The following CWH43 variants were observed in gnomAD, a reference collection of about 807,000 sequenced individuals.
CWH43 encodes cell wall biogenesis 43 C-terminal homolog, also known as PGAP2-interacting protein.
CWH43 carries 91 observed loss-of-function variants against 85.7 expected under a neutral mutation model. The observed-to-expected ratio is 1.06, with a 90% CI of 0.90 to 1.26. The LOEUF (loss-of-function observed/expected upper bound fraction) is 1.26, where lower values mean the gene tolerates loss of function less well. Among genes scored for constraint, CWH43 ranks in the 50% most tolerant of loss-of-function variants. The pLI is 0.00. For synonymous variants in CWH43, 323 were observed against 293.6 expected (o/e 1.10, Z -1.02); for missense variants, 869 against 839.2 (o/e 1.04, Z -0.44).
chr4:49,055,356 C>A (rs1039687247), intron 15 of CWH43, among the ~76,000 whole-genome samples: 5 of 152,006 alleles, frequency 3.3e-5, no homozygotes, highest in African/African-American at 1.2e-4. Context: ...GGAAAAATCC[C>A]CCTTGATCAG....
At chr4:48,989,127 A>G (rs2109737468) in intron 2 of CWH43, among the ~76,000 whole-genome samples, 1 of 152,384 alleles carries the variant, frequency 6.6e-6, no homozygotes, top group African/African-American at 2.4e-5. Flanking sequence ...TCTTATATAT[A>G]GAGTTCCTAC....
intron 9 of CWH43, among the ~76,000 whole-genome samples, chr4:49,025,993 G>A (rs923117155): frequency 6.6e-6 from 1 of 152,066 alleles, no homozygotes; most frequent in African/African-American, 2.4e-5. Context: ...GTGTGTCTGA[G>A]CTCAGACTCT....
At chr4:49,030,781 T>G in intron 10 of CWH43, 44 bp from the exon 11 acceptor site, 1 of 1,494,894 alleles carries the variant, frequency 6.7e-7, no homozygotes, top group Non-Finnish European at 8.9e-7. Context: ...TTTTTTGCCT[T>G]GCTGTGATTC....
intron 9 of CWH43, among the ~76,000 whole-genome samples, chr4:49,025,149 A>AT (rs1156630484): frequency 6.6e-6 from 1 of 151,476 alleles, no homozygotes; most frequent in Non-Finnish European, 1.5e-5. Context: ...TATTGCTGAG[A>AT]TTTTCCAGTG....
chr4:49,002,817 C>T (rs547619649), intron 6 of CWH43, among the ~76,000 whole-genome samples: 88 of 152,226 alleles, frequency 5.8e-4, no homozygotes, highest in African/African-American at 2.0e-3. Context: ...TATTGATGAA[C>T]TTATTGAGCT....
intron 9 of CWH43, among the ~76,000 whole-genome samples, chr4:49,022,795 A>G (rs546076742): frequency 3.3e-5 from 5 of 152,224 alleles, no homozygotes; most frequent in Non-Finnish European, 5.9e-5. Flanking sequence ...TATTTCCAGA[A>G]ATTTATCCAT....
At chr4:48,986,873 G>A in intron 1 of CWH43, 3 of 946,890 alleles carry the variant, frequency 3.2e-6, no homozygotes, top group African/African-American at 1.8e-5. Flanking sequence ...AAGGAAAGGG[G>A]CACCCGTTTT....
At chr4:49,056,049 A>G (rs1270827659) in intron 15 of CWH43, among the ~76,000 whole-genome samples, 42 of 135,980 alleles carry the variant, frequency 3.1e-4, no homozygotes, top group African/African-American at 9.2e-4. Context: ...ATATCTCCCA[A>G]TGCTATCCCT....
At chr4:49,017,089 C>T in intron 8 of CWH43, 160 bp from the exon 9 acceptor site, 1 of 744,702 alleles carries the variant, frequency 1.3e-6, no homozygotes, top group Admixed American at 2.0e-5. Context: ...AATGAGCTCC[C>T]CAAGACTCTT....
In CWH43 at chr4:49,032,716, G is replaced by T. The variant is rs368997677; in HGVS notation, c.1658+1G>T. 3 of 1,613,956 alleles carry T rather than the reference G, an allele frequency of 1.9e-6. No individual in the cohort carries two copies. The highest frequency in any genetic ancestry group is 2.5e-6 in the Non-Finnish European group (3 of 1,179,842). The stretch of plus-strand genomic sequence containing the variant: ...TCGTGACACACTTTGGGAACCACGA[G>T]TGGGTTTCTTTGGCCCACCTAATAT... On this transcript the variant is annotated splice_donor_variant, in intron 12 of 15. Transcript: ENST00000226432. LOFTEE classifies it high-confidence loss of function.
rs750561336 is a variant in CWH43, at chr4:49,028,699, G to A, written c.1337G>A (p.Ser446Asn). 1 of 1,613,682 alleles carries A rather than the reference G, an allele frequency of 6.2e-7. No homozygotes were observed. Among genetic ancestry groups the A allele is most frequent in the Non-Finnish European group, 8.5e-7 (1 of 1,179,642 alleles). The change falls in exon 10 of 16, where the codon AGT becomes AAT. Residue 446 changes from serine (S) to asparagine (N), a missense_variant. Around this residue, in one of 3 missense-constraint regions of CWH43, gnomAD observed 577 missense variants for 513.1 expected, o/e 1.12. Transcript: ENST00000226432. ...RFGYDNEGWS[S>N]LERSAHLLNE... is the part of the protein sequence containing the mutation. ...GGATATGACAATGAAGGGTGGTCTA[G>A]TCTAGAAAGATCAGCTCACCTGCTC...
At chr4:49,056,985 TTAAC>T (rs1784985900) in intron 15 of CWH43, among the ~76,000 whole-genome samples, 1 of 152,248 alleles carries the variant, frequency 6.6e-6, no homozygotes, top group Admixed American at 6.5e-5. Context: ...AATTTATAAT[TTAAC>T]TATTGTTGTT....
rs556256376 is a variant in CWH43 at position 49,028,566 on chromosome 4, G to A, written c.1267-63G>A. 4.6e-5 allele frequency: 51 copies of A among 1,099,704 alleles called. No individual in the cohort carries two copies. The South Asian group carries it at 7.0e-4, about 15-fold the overall frequency. The allele number at this position is 1,099,704 out of a possible 1,614,324, so 68.1% of individuals were successfully genotyped here. A position where few individuals can be genotyped will look rare whatever the true frequency, so the allele number is the denominator to read the frequency against. ...ATTTGGTAGAGAGGAGTGGAGAAAA[G>A]TGGGTCACTGAAACTGCCATTGTTC... On this transcript the variant is annotated intron_variant, in intron 9 of 15. Transcript: ENST00000226432.
chr4:49,030,805 A>T lies in CWH43; in HGVS notation c.1373-20A>T. 1 of 1,546,702 alleles carries T rather than the reference A, an allele frequency of 6.5e-7. No individual in the cohort carries two copies. Among genetic ancestry groups the T allele is most frequent in the Non-Finnish European group, 8.7e-7 (1 of 1,152,544 alleles). On this transcript the variant is annotated intron_variant, in intron 10 of 15. Coordinates refer to ENST00000226432, the MANE Select transcript of CWH43 (RefSeq NM_025087.3). ...TTGCTGTGATTCATCACTGTATGCT[A>T]CTTTTTTTTTTCTGAACAGGTGCAG... is the stretch of plus-strand genomic sequence containing the variant.
chr4:49,039,438 T>C (rs1418149087), intron 13 of CWH43, among the ~76,000 whole-genome samples: 4 of 142,966 alleles, frequency 2.8e-5, no homozygotes, highest in Non-Finnish European at 6.0e-5. Flanking sequence ...CACTTATATA[T>C]ATATATATAT....
rs1252326306 is a variant in CWH43, at chr4:48,986,400, T to A, written c.-30T>A. Reference sequence around the variant, plus strand: ...GCAGCGGGCCCGACCCGCACGGCTTTCCTGGAAAGCGCTGCCCCTCGCCGC... The same window carrying A: ...GCAGCGGGCCCGACCCGCACGGCTTACCTGGAAAGCGCTGCCCCTCGCCGC... On this transcript the variant is annotated 5_prime_UTR_variant, in exon 1 of 16. Coordinates refer to ENST00000226432, the MANE Select transcript of CWH43 (RefSeq NM_025087.3). The A allele has an allele frequency of 3.2e-6, 5 of 1,547,782 alleles. No homozygotes were observed. In the Admixed American group the frequency reaches 9.9e-5, roughly 31 times the overall value.
chr4:49,051,123 G>A (rs897864482), intron 15 of CWH43, among the ~76,000 whole-genome samples: 2 of 152,092 alleles, frequency 1.3e-5, no homozygotes, highest in African/African-American at 2.4e-5. Flanking sequence ...CATCATCACT[G>A]TCACCTCCAC....
intron 9 of CWH43, among the ~76,000 whole-genome samples, chr4:49,022,156 C>T (rs191762481): frequency 6.6e-6 from 1 of 152,220 alleles, no homozygotes; most frequent in African/African-American, 2.4e-5. Flanking sequence ...TTCAACTTTT[C>T]CCTATTCAGT....
intron 9 of CWH43, 127 bp downstream of exon 9, chr4:49,017,455 C>G: frequency 3.4e-6 from 2 of 596,898 alleles, no homozygotes; most frequent in East Asian, 2.9e-5. Context: ...ATCTCCTTAA[C>G]CCTTATGTGC....
Sources: allele counts gnomAD v4.1 joint callset (sites outside exome capture counted in the v4.1 genomes callset), GRCh38; gene constraint gnomAD v4.1.1; regional missense constraint gnomAD v4.1.1; transcripts MANE v1.5; gene names NCBI Gene and HGNC (gene_info 2026-07-23, HGNC 2026-07-21).